The following TMCC3 variants were observed in gnomAD, a reference collection of about 807,000 sequenced individuals.
The protein encoded by TMCC3 is transmembrane and coiled-coil domain family 3.
A neutral mutation model predicts 40.2 loss-of-function variants in TMCC3; 28 were observed. The ratio of observed to expected loss-of-function variants is 0.70; its 90% CI spans 0.52 to 0.95. The LOEUF is 0.95. Ranked by LOEUF, TMCC3 falls within the 40% of genes least tolerant of loss-of-function variation. The pLI, the probability that TMCC3 is intolerant of heterozygous loss-of-function variation, is 0.00. For missense variants in TMCC3, 554 were observed against 615.2 expected (o/e 0.90, Z 1.05); for synonymous variants, 255 against 248.5 (o/e 1.03, Z -0.25).
intron 1 of TMCC3, among the ~76,000 whole-genome samples, chr12:94,586,150 T>A (rs1317450819): frequency 1.3e-5 from 2 of 152,206 alleles, no homozygotes; most frequent in African/African-American, 4.8e-5. Flanking sequence ...TAAACAGAGA[T>A]TTTTTTCCGA....
chr12:94,571,647 T>A lies in TMCC3; in HGVS notation c.1222A>T (p.Lys408Ter). The A allele has an allele frequency of 6.2e-7, 1 of 1,614,202 alleles. No individual in the cohort carries two copies. Among genetic ancestry groups the A allele is most frequent in the East Asian group, 2.2e-5 (1 of 44,878 alleles). ...QALQTDTVNA[K>*]VLLGRCINVI... is the part of the protein sequence containing the mutation. The stretch of plus-strand genomic sequence containing the variant: ...TTGATGCACCTCCCCAGGAGAACTT[T>A]AGCATTCACGGTGTCTGTCTGCAGA... Residue 408 changes from lysine (K) to a stop codon, truncating the protein, a stop_gained, in exon 4 of 4, where the codon AAA becomes TAA. Transcript: ENST00000261226. LOFTEE classifies it high-confidence loss of function.
At chr12:94,632,770 C>T (rs1214994399) in intron 1 of TMCC3, among the ~76,000 whole-genome samples, 1 of 152,146 alleles carries the variant, frequency 6.6e-6, no homozygotes, top group Non-Finnish European at 1.5e-5. Flanking sequence ...AAATAACATA[C>T]AGCAGTAAAA....
chr12:94,611,111 T>C (rs1029641018), intron 1 of TMCC3, among the ~76,000 whole-genome samples: 2 of 152,178 alleles, frequency 1.3e-5, no homozygotes, highest in African/African-American at 4.8e-5. Flanking sequence ...AGTAGCAAAA[T>C]AAATAATCTA....
At chr12:94,621,190 G>A (rs1187965347) in intron 1 of TMCC3, among the ~76,000 whole-genome samples, 2 of 152,172 alleles carry the variant, frequency 1.3e-5, no homozygotes, top group African/African-American at 4.8e-5. Context: ...ACAAACTATT[G>A]CAGTACTCTA....
At chr12:94,581,092 T>C (rs188774297) in intron 2 of TMCC3, among the ~76,000 whole-genome samples, 202 of 152,308 alleles carry the variant, frequency 1.3e-3, no homozygotes, top group Non-Finnish European at 2.2e-3. Context: ...CAGATTTTGA[T>C]TTTTTTCAGA....
chr12:94,587,071 A>C lies in TMCC3; in HGVS notation c.79-4533T>G, dbSNP rs145939873. On this transcript the variant is annotated intron_variant, in intron 1 of 3. Coordinates refer to ENST00000261226, the MANE Select transcript of TMCC3 (RefSeq NM_020698.4). The stretch of plus-strand genomic sequence containing the variant: ...TTCCCTGAACACAAACTGAAATTAC[A>C]TGTGCGTGCTAAAAGAAAGCTGCCA... Among the ~76,000 whole-genome samples, 25 of 152,334 alleles carry C rather than the reference A, an allele frequency of 1.6e-4. No homozygotes were observed. In the East Asian group the frequency reaches 4.8e-3, roughly 29 times the overall value.
At chr12:94,601,268 A>G (rs887311045) in intron 1 of TMCC3, among the ~76,000 whole-genome samples, 14 of 152,146 alleles carry the variant, frequency 9.2e-5, no homozygotes, top group Non-Finnish European at 1.9e-4. Flanking sequence ...TAATCCCAAC[A>G]CTTTGGGAGG....
chr12:94,606,378 T>TC (rs1242513854), intron 1 of TMCC3, among the ~76,000 whole-genome samples: 1 of 151,288 alleles, frequency 6.6e-6, no homozygotes, highest in Admixed American at 6.6e-5. Flanking sequence ...TTCTTTTTTT[T>TC]TTTTTTTTGA....
rs140765611 is a variant in TMCC3, at chr12:94,582,092, T to C, written c.525A>G (p.Arg175=). 1.5e-5 allele frequency: 25 copies of C among 1,614,072 alleles called. No individual in the cohort carries two copies. Among genetic ancestry groups the C allele is most frequent in the Non-Finnish European group, 1.9e-5 (23 of 1,180,042 alleles). The stretch of plus-strand genomic sequence containing the variant: ...TGCTCTCCATGCAATGGGGGGCAGT[T>C]CGAGATTTCACGTGGGCATCTTTCA... ...RSLKDAHVKS[R]TAPHCMESSK... is the part of the protein sequence containing the mutation. The change falls in exon 2 of 4, where the codon CGA becomes CGG. Residue 175 remains arginine (R), a synonymous_variant. Transcript: ENST00000261226.
At chr12:94,649,668 C>G (rs533391354) in intron 1 of TMCC3, among the ~76,000 whole-genome samples, 6 of 152,220 alleles carry the variant, frequency 3.9e-5, no homozygotes, top group Non-Finnish European at 8.8e-5. Flanking sequence ...CTGCGGCCTC[C>G]GTCTTTATTT....
At chr12:94,621,555 T>C (rs574674895) in intron 1 of TMCC3, among the ~76,000 whole-genome samples, 2 of 152,284 alleles carry the variant, frequency 1.3e-5, no homozygotes, top group East Asian at 3.9e-4. Context: ...CCCAGACCAG[T>C]GAATCAGGAA....
chr12:94,630,629 C>A (rs1339615631), intron 1 of TMCC3, among the ~76,000 whole-genome samples: 1 of 152,236 alleles, frequency 6.6e-6, no homozygotes, highest in South Asian at 2.1e-4. Flanking sequence ...CACTCCTACC[C>A]ATTTATGCTA....
Position 94,571,204 on chromosome 12 carries a change from A to T in TMCC3, c.*231T>A, listed in dbSNP as rs1467029975. The T allele has an allele frequency of 3.6e-6, 2 of 557,424 alleles. No homozygotes were observed. The highest frequency in any genetic ancestry group is 1.9e-5 in the African/African-American group (1 of 53,036). The allele number at this position is 557,424 out of a possible 1,614,324, so 34.5% of individuals were successfully genotyped here. ...AGGTGGGCAGGAAATCGGTCTGATT[A>T]AGGCAGTGAGCAAGGTAGGAGAGCT... is the stretch of plus-strand genomic sequence containing the variant. On this transcript the variant is annotated 3_prime_UTR_variant, in exon 4 of 4. Coordinates refer to ENST00000261226, the MANE Select transcript of TMCC3 (RefSeq NM_020698.4).
At chr12:94,638,802 G>A (rs556021124) in intron 1 of TMCC3, among the ~76,000 whole-genome samples, 40 of 152,300 alleles carry the variant, frequency 2.6e-4, no homozygotes, top group Non-Finnish European at 4.4e-4. Context: ...AGGGACTTTT[G>A]GCCCCAACAC....
intron 1 of TMCC3, among the ~76,000 whole-genome samples, chr12:94,640,504 C>T (rs1181449282): frequency 6.6e-6 from 1 of 152,148 alleles, no homozygotes; most frequent in Non-Finnish European, 1.5e-5. Context: ...TCTTAATCTG[C>T]TGCTGGGAGG....
chr12:94,592,904 T>A (rs2068687430), intron 1 of TMCC3, among the ~76,000 whole-genome samples: 1 of 151,818 alleles, frequency 6.6e-6, no homozygotes, highest in South Asian at 2.1e-4. Context: ...TAATTAGAGA[T>A]AATTATCTTC....
chr12:94,573,222 C>CATT (rs57428094), intron 3 of TMCC3, among the ~76,000 whole-genome samples: 2 of 151,852 alleles, frequency 1.3e-5, no homozygotes, highest in Non-Finnish European at 2.9e-5. Context: ...CCCTTCTCAT[C>CATT]CAACCCGTCG....
At chr12:94,624,565 T>C (rs1033204453) in intron 1 of TMCC3, among the ~76,000 whole-genome samples, 1 of 151,332 alleles carries the variant, frequency 6.6e-6, no homozygotes, top group African/African-American at 2.4e-5. Flanking sequence ...AACGAAAAAA[T>C]TAGCCAGGCG....
intron 1 of TMCC3, among the ~76,000 whole-genome samples, chr12:94,634,272 A>G (rs964491713): frequency 6.6e-6 from 1 of 152,026 alleles, no homozygotes; most frequent in Non-Finnish European, 1.5e-5. Flanking sequence ...TTATTTATCT[A>G]TCTGTTACCA....
Sources: allele counts gnomAD v4.1 joint callset (sites outside exome capture counted in the v4.1 genomes callset), GRCh38; gene constraint gnomAD v4.1.1; transcripts MANE v1.5; gene names NCBI Gene and HGNC (gene_info 2026-07-23, HGNC 2026-07-21).